CADPS2: variants seen among roughly 807,000 people sequenced by gnomAD.
CADPS2 encodes calcium dependent secretion activator 2, also known as calcium-dependent secretion activator 2.
In CADPS2, 93 loss-of-function variants were observed where a neutral mutation model predicts 172.5. That is an observed-to-expected ratio of 0.54 (90% confidence interval 0.46 to 0.64). The LOEUF is 0.64. CADPS2 is among the 30% of genes least tolerant of loss of function. The pLI is 0.00. For missense variants in CADPS2, 1,420 were observed against 1,565.9 expected (o/e 0.91, Z 1.57); for synonymous variants, 546 against 555.2 (o/e 0.98, Z 0.23).
At position 122,567,700 on chromosome 7, in the gene CADPS2, T is replaced by C. The variant is rs1248012922; in HGVS notation, c.1336-13011A>G. Among the ~76,000 whole-genome samples, 3 of 152,124 alleles carry C rather than the reference T, an allele frequency of 2.0e-5. No individual in the cohort carries two copies. In the East Asian group the frequency reaches 5.8e-4, roughly 29 times the overall value. The stretch of plus-strand genomic sequence containing the variant: ...AACTCAAATGATGGGAGGGAAGAAC[T>C]AGAGGTATAATATTGTAAGGTTCTT... On this transcript the variant is annotated intron_variant, in intron 7 of 29. Transcript: ENST00000449022.
chr7:122,827,398 T>G (rs1805217755), intron 1 of CADPS2, among the ~76,000 whole-genome samples: 1 of 152,214 alleles, frequency 6.6e-6, no homozygotes, highest in Non-Finnish European at 1.5e-5. Context: ...GGCTCACACA[T>G]GTAATCCCAG....
intron 28 of CADPS2, among the ~76,000 whole-genome samples, chr7:122,339,386 ATGTTTTGTTGATTT>A (rs2036425725): frequency 6.6e-6 from 1 of 152,092 alleles, no homozygotes; most frequent in African/African-American, 2.4e-5. Context: ...ACCCTTATCC[ATGTTTTGTTGATTT>A]CAACTGTGTA....
chr7:122,810,971 G>C (rs769460249), intron 1 of CADPS2, among the ~76,000 whole-genome samples: 1 of 152,084 alleles, frequency 6.6e-6, no homozygotes, highest in Non-Finnish European at 1.5e-5. Context: ...GTTAGATGTT[G>C]GCAACTAATA....
intron 19 of CADPS2, among the ~76,000 whole-genome samples, chr7:122,410,090 T>C (rs2047117347): frequency 6.6e-6 from 1 of 152,126 alleles, no homozygotes; most frequent in Admixed American, 6.5e-5. Flanking sequence ...ACAAGTGTAA[T>C]TCCAGCACTT....
At chr7:122,672,637 A>G (rs2081976721) in intron 2 of CADPS2, among the ~76,000 whole-genome samples, 1 of 151,546 alleles carries the variant, frequency 6.6e-6, no homozygotes, top group Non-Finnish European at 1.5e-5. Flanking sequence ...TAAAAACACT[A>G]CTCCTTTACT....
intron 1 of CADPS2, among the ~76,000 whole-genome samples, chr7:122,813,570 C>T (rs17611216): frequency 0.055 from 8,395 of 152,088 alleles, 326 homozygotes; most frequent in South Asian, 0.09. Flanking sequence ...CTTTCAAATG[C>T]AGAAATGTTC....
At chr7:122,673,505 T>A (rs1292628876) in intron 2 of CADPS2, among the ~76,000 whole-genome samples, 1 of 152,032 alleles carries the variant, frequency 6.6e-6, no homozygotes, top group East Asian at 1.9e-4. Flanking sequence ...AATCCTTTAG[T>A]TAGACACAAA....
At chr7:122,372,799 G>A (rs1481813636) in intron 25 of CADPS2, among the ~76,000 whole-genome samples, 1 of 152,162 alleles carries the variant, frequency 6.6e-6, no homozygotes, top group Non-Finnish European at 1.5e-5. Flanking sequence ...TTATGGGCTG[G>A]TTGCTCTTTA....
intron 14 of CADPS2, among the ~76,000 whole-genome samples, chr7:122,457,786 G>A (rs2053967024): frequency 6.6e-6 from 1 of 152,114 alleles, no homozygotes; most frequent in Admixed American, 6.6e-5. Flanking sequence ...GATATGTGAG[G>A]GATAAATGTG....
intron 11 of CADPS2, among the ~76,000 whole-genome samples, chr7:122,484,911 T>TC (rs141789761): frequency 0.03 from 4,619 of 152,252 alleles, 203 homozygotes; most frequent in African/African-American, 0.11. Flanking sequence ...CGTGCTCATA[T>TC]CATGACTGTT....
chr7:122,631,515 G>A lies in CADPS2; in HGVS notation c.787-2187C>T, dbSNP rs1049473922. Reference sequence around the variant, plus strand: ...GCTTGTCTTGAACTCCTGGGCTCAAGTGATCTTCCCGCCTCTGCCTTCCTA... The same window carrying A: ...GCTTGTCTTGAACTCCTGGGCTCAAATGATCTTCCCGCCTCTGCCTTCCTA... On this transcript the variant is annotated intron_variant, in intron 3 of 29. Transcript: ENST00000449022. 2.0e-5 allele frequency among the ~76,000 whole-genome samples: 3 copies of A among 152,052 alleles called. No homozygotes were observed. In the East Asian group the frequency reaches 5.8e-4, roughly 29 times the overall value.
chr7:122,825,322 CTG>C (rs1804568708), intron 1 of CADPS2, among the ~76,000 whole-genome samples: 1 of 152,102 alleles, frequency 6.6e-6, no homozygotes, highest in South Asian at 2.1e-4. Context: ...AGCAAATAAA[CTG>C]TGATTCATCC....
chr7:122,490,998 T>G (rs1180858261), intron 10 of CADPS2, among the ~76,000 whole-genome samples: 3 of 152,212 alleles, frequency 2.0e-5, no homozygotes, highest in African/African-American at 7.2e-5. Flanking sequence ...CTTTGCCTAT[T>G]TCTGCTATAA....
At chr7:122,885,298 G>T (rs1479328617) in intron 1 of CADPS2, among the ~76,000 whole-genome samples, 2 of 152,056 alleles carry the variant, frequency 1.3e-5, no homozygotes, top group Non-Finnish European at 2.9e-5. Context: ...CATTTGGAAA[G>T]CATTTGTTAT....
At chr7:122,363,098 G>A (rs759944097) in intron 25 of CADPS2, among the ~76,000 whole-genome samples, 1 of 152,182 alleles carries the variant, frequency 6.6e-6, no homozygotes, top group Non-Finnish European at 1.5e-5. Flanking sequence ...CTTCCTGCCT[G>A]TTAGGATTTC....
rs183080005 is a variant in CADPS2, at chr7:122,843,337, A to G, written c.339+42662T>C. 6.2e-3 allele frequency among the ~76,000 whole-genome samples: 947 copies of G among 152,292 alleles called. 9 individuals carry two copies. Among genetic ancestry groups the G allele is most frequent in the Admixed American group, 0.012 (186 of 15,292 alleles). On this transcript the variant is annotated intron_variant, in intron 1 of 29. Coordinates refer to ENST00000449022, the MANE Select transcript of CADPS2 (RefSeq NM_017954.11). ...AAAGCTACAGGACTTAATTACACTT[A>G]TATCTGCCACAGTGGAAAAAAGGTA...
At chr7:122,826,422 C>T (rs1179003956) in intron 1 of CADPS2, among the ~76,000 whole-genome samples, 1 of 152,102 alleles carries the variant, frequency 6.6e-6, no homozygotes, top group Non-Finnish European at 1.5e-5. Flanking sequence ...AGTCACTTAT[C>T]ATAACCAAAA....
chr7:122,578,462 G>A (rs2068342172), intron 7 of CADPS2, among the ~76,000 whole-genome samples: 2 of 152,114 alleles, frequency 1.3e-5, no homozygotes, highest in South Asian at 4.1e-4. Context: ...GTCAGTTCAT[G>A]TAGATCAGGG....
At chr7:122,702,997 A>C in intron 2 of CADPS2, 2 of 438,926 alleles carry the variant, frequency 4.6e-6, no homozygotes, top group South Asian at 7.2e-5. Flanking sequence ...TATGACATCC[A>C]AATGGGGAAA....
Sources: gnomAD v4.1 joint callset for allele counts (sites outside exome capture counted in the v4.1 genomes callset) on GRCh38, gnomAD v4.1.1 for gene constraint, MANE v1.5 for transcripts, NCBI Gene and HGNC (gene_info 2026-07-23, HGNC 2026-07-21) for gene names.